Variants in TULP4 observed in about 807,000 individuals in gnomAD.
The protein encoded by TULP4 is tubby-related protein 4.
TULP4 carries 16 observed loss-of-function variants against 129.0 expected under a neutral mutation model. That is an observed-to-expected ratio of 0.12 (90% CI 0.08 to 0.19). The LOEUF is 0.19. Among genes scored for constraint, TULP4 ranks in the 10% least tolerant of loss-of-function variants. The pLI, the probability that TULP4 is intolerant of heterozygous loss-of-function variation, is 1.00. For missense variants in TULP4, 1,842 were observed against 2,059.1 expected (o/e 0.89, Z 2.04); for synonymous variants, 998 against 854.0 (o/e 1.17, Z -2.94).
chr6:158,450,343 T>C (rs1489357930), intron 4 of TULP4, among the ~76,000 whole-genome samples: 2 of 152,154 alleles, frequency 1.3e-5, no homozygotes, highest in East Asian at 3.9e-4. Context: ...TTAGAGAAAT[T>C]GTCTGCCTCC....
rs750292352 is a variant in TULP4, at chr6:158,461,644, C to A, written c.941C>A (p.Pro314His). The A allele has an allele frequency of 6.2e-7, 1 of 1,614,014 alleles. No individual in the cohort carries two copies. The highest frequency in any genetic ancestry group is 2.2e-5 in the East Asian group (1 of 44,858). The change falls in exon 6 of 14, where the codon CCC becomes CAC. Residue 314 changes from proline (P) to histidine (H), a missense_variant. Pro to His is a moderately conservative substitution (Grantham distance 77, BLOSUM62 -2). Around this residue, in one of 5 missense-constraint regions of TULP4, gnomAD observed 456 missense variants for 534.3 expected, o/e 0.85. Coordinates refer to ENST00000367097, the MANE Select transcript of TULP4 (RefSeq NM_020245.5). ...CGGCAGACCCAGCTTGGTGAGCTTC[C>A]CAATGGTCCCCTTCTGAAGAGTGCC... ...MERQTQLGEL[P>H]NGPLLKSAMV...
chr6:158,342,258 C>T (rs1780200327), intron 1 of TULP4, among the ~76,000 whole-genome samples: 1 of 152,210 alleles, frequency 6.6e-6, no homozygotes. Context: ...CTTTGGTTGC[C>T]TGTGCTTTTG....
chr6:158,506,572 C>G lies in TULP4; in HGVS notation c.4516-6C>G. On this transcript the variant is annotated splice_polypyrimidine_tract_variant and splice_region_variant and intron_variant, in intron 13 of 13. Coordinates refer to ENST00000367097, the MANE Select transcript of TULP4 (RefSeq NM_020245.5). ...TAATGTCTTTGCTTCCCCTGCCCTCCTCCAGGTGATGCAGTTTGGACGGAT... is the reference window on the plus strand; with the variant it reads ...TAATGTCTTTGCTTCCCCTGCCCTCGTCCAGGTGATGCAGTTTGGACGGAT... 1.3e-6 allele frequency: 2 copies of G among 1,582,628 alleles called. No individual in the cohort carries two copies. Among genetic ancestry groups the G allele is most frequent in the Non-Finnish European group, 1.7e-6 (2 of 1,151,466 alleles).
In TULP4 at chr6:158,312,816, C is replaced by T. The variant is rs1050488401; in HGVS notation, c.-1201C>T. ...TAGTGGTGTGGTGTTTGGAGACAGT[C>T]TCTGAATGTGAACAGGAAAGCACCC... On this transcript the variant is annotated 5_prime_UTR_variant, in exon 1 of 14. Transcript: ENST00000367097. 6.6e-6 allele frequency: 1 copy of T among 152,168 alleles called. No individual in the cohort carries two copies. Among genetic ancestry groups the T allele is most frequent in the Non-Finnish European group, 1.5e-5 (1 of 68,036 alleles). The allele number at this position is 152,168 out of a possible 1,614,324, so 9.4% of individuals were successfully genotyped here.
chr6:158,343,047 G>C (rs1220101867), intron 1 of TULP4, among the ~76,000 whole-genome samples: 1 of 151,736 alleles, frequency 6.6e-6, no homozygotes, highest in Non-Finnish European at 1.5e-5. Flanking sequence ...ACCCACCACA[G>C]CAGGGAAAAT....
At chr6:158,450,540 G>C (rs1779141950) in intron 4 of TULP4, among the ~76,000 whole-genome samples, 1 of 152,034 alleles carries the variant, frequency 6.6e-6, no homozygotes, top group South Asian at 2.1e-4. Flanking sequence ...GTGGCTTGGG[G>C]GCTTTTTATG....
At chr6:158,466,825 T>C (rs768461825) in intron 6 of TULP4, among the ~76,000 whole-genome samples, 6 of 151,578 alleles carry the variant, frequency 4.0e-5, no homozygotes, top group Admixed American at 1.3e-4. Flanking sequence ...TACCTGGTGC[T>C]TTGATAACCT....
intron 6 of TULP4, among the ~76,000 whole-genome samples, chr6:158,475,957 T>TA (rs1779807138): frequency 6.6e-6 from 1 of 152,220 alleles, no homozygotes; most frequent in East Asian, 1.9e-4. Context: ...TCTGTGGACT[T>TA]ACAGGGGTCC....
intron 1 of TULP4, among the ~76,000 whole-genome samples, chr6:158,233,169 G>T (rs987641800): frequency 1.3e-5 from 2 of 152,210 alleles, no homozygotes; most frequent in African/African-American, 4.8e-5. Flanking sequence ...GTTGAGGTCC[G>T]TTAGGGTCCT....
intron 6 of TULP4, among the ~76,000 whole-genome samples, chr6:158,478,791 C>G (rs576431355): frequency 4.9e-4 from 74 of 152,344 alleles, no homozygotes; most frequent in Non-Finnish European, 8.7e-4. Flanking sequence ...GATGGCACCC[C>G]TGAGCTTTGG....
intron 1 of TULP4, among the ~76,000 whole-genome samples, chr6:158,244,823 C>T (rs1777996228): frequency 6.6e-6 from 1 of 151,882 alleles, no homozygotes; most frequent in Non-Finnish European, 1.5e-5. Context: ...GAGACTTTGT[C>T]TCTATTTATT....
chr6:158,293,936 C>T (rs1778986274), intron 1 of TULP4, among the ~76,000 whole-genome samples: 1 of 152,208 alleles, frequency 6.6e-6, no homozygotes, highest in Admixed American at 6.5e-5. Context: ...CCTTCAAAGG[C>T]AGGCTCTGAG....
At chr6:158,336,202 T>C (rs1436631962) in intron 1 of TULP4, among the ~76,000 whole-genome samples, 1 of 152,202 alleles carries the variant, frequency 6.6e-6, no homozygotes, top group Admixed American at 6.5e-5. Context: ...GTTGAACATA[T>C]TTTCAAACAT....
chr6:158,346,826 T>TGA (rs1780324841), intron 1 of TULP4, among the ~76,000 whole-genome samples: 4 of 151,432 alleles, frequency 2.6e-5, no homozygotes, highest in African/African-American at 7.3e-5. Context: ...TTGATGATGA[T>TGA]TCTGTAATTG....
At chr6:158,236,882 C>T (rs11755300) in intron 1 of TULP4, among the ~76,000 whole-genome samples, 33 of 141,350 alleles carry the variant, frequency 2.3e-4, no homozygotes, top group East Asian at 1.5e-3. Context: ...GGCCCCATCT[C>T]GGCTCACTGC....
chr6:158,343,718 T>C (rs111732328), intron 1 of TULP4, among the ~76,000 whole-genome samples: 1,961 of 152,316 alleles, frequency 0.013, 46 homozygotes, highest in African/African-American at 0.045. Flanking sequence ...TCTGTGGTAC[T>C]TTGCTATAGC....
intron 1 of TULP4, among the ~76,000 whole-genome samples, chr6:158,389,308 A>G (rs705934): frequency 0.73 from 111,573 of 152,024 alleles, 41,402 homozygotes; most frequent in African/African-American, 0.79. Flanking sequence ...AAAATTAGCC[A>G]GGCATGGTGG....
chr6:158,254,229 G>A (rs1404780158), intron 1 of TULP4, among the ~76,000 whole-genome samples: 3 of 151,952 alleles, frequency 2.0e-5, no homozygotes, highest in Non-Finnish European at 4.4e-5. Flanking sequence ...TGCAGCCTCC[G>A]CCTTCTGGGT....
intron 1 of TULP4, among the ~76,000 whole-genome samples, chr6:158,293,551 C>A (rs1778979561): frequency 6.6e-6 from 1 of 152,188 alleles, no homozygotes; most frequent in African/African-American, 2.4e-5. Context: ...CTACCACAGG[C>A]AGAAAGACCC....
Sources: allele counts gnomAD v4.1 joint callset (sites outside exome capture counted in the v4.1 genomes callset), GRCh38; gene constraint gnomAD v4.1.1; regional missense constraint gnomAD v4.1.1; transcripts MANE v1.5; gene names NCBI Gene and HGNC (gene_info 2026-07-23, HGNC 2026-07-21).